PLXNA4: variants seen among roughly 807,000 people sequenced by gnomAD.
PLXNA4 encodes plexin A4.
PLXNA4 carries 44 observed loss-of-function variants against 191.8 expected under a neutral mutation model. The observed-to-expected ratio is 0.23, with a 90% CI of 0.18 to 0.29. The LOEUF (loss-of-function observed/expected upper bound fraction) is 0.29, where lower values mean the gene tolerates loss of function less well. PLXNA4 is among the 10% of genes least tolerant of loss of function. PLXNA4 has a pLI of 1.00. For synonymous variants in PLXNA4, 1,082 were observed against 1,009.5 expected, an observed-to-expected ratio of 1.07 and a Z score of -1.36; for missense variants, 1,800 against 2,488.8, an observed-to-expected ratio of 0.72 and a Z score of 5.89.
chr7:132,385,714 G>A (rs1216167541), intron 3 of PLXNA4, among the ~76,000 whole-genome samples: 2 of 152,170 alleles, frequency 1.3e-5, no homozygotes, highest in Admixed American at 6.5e-5. Context: ...AAGTGCATGC[G>A]CGCACACACA....
intron 3 of PLXNA4, chr7:132,384,866 A>G (rs1461601604): frequency 2.5e-6 from 3 of 1,181,268 alleles, no homozygotes; most frequent in East Asian, 1.2e-4. Flanking sequence ...CCCAAGAGAT[A>G]ACTATATTCC....
intron 4 of PLXNA4, among the ~76,000 whole-genome samples, chr7:132,268,295 T>C (rs1367163655): frequency 6.6e-6 from 1 of 152,216 alleles, no homozygotes; most frequent in African/African-American, 2.4e-5. Flanking sequence ...TATTTTATGC[T>C]TGCCCCTAGC....
chr7:132,267,099 C>A (rs748837110), intron 4 of PLXNA4, among the ~76,000 whole-genome samples: 2 of 152,170 alleles, frequency 1.3e-5, no homozygotes, highest in Admixed American at 1.3e-4. Flanking sequence ...TACATAACCA[C>A]CCAAGTAAGG....
intron 24 of PLXNA4, among the ~76,000 whole-genome samples, chr7:132,162,061 G>A (rs577381656): frequency 6.6e-6 from 1 of 152,290 alleles, no homozygotes; most frequent in South Asian, 2.1e-4. Flanking sequence ...GCCTCTCCGT[G>A]GTTCTCTCTC....
chr7:132,562,960 TCCTCCTCCTCTC>T (rs1184785987), intron 1 of PLXNA4, among the ~76,000 whole-genome samples: 1 of 89,752 alleles, frequency 1.1e-5, no homozygotes, highest in Non-Finnish European at 2.1e-5. Context: ...CTCCTCTCCC[TCCTCCTCCTCTC>T]CCTCCTCCTC....
chr7:132,230,535 C>T (rs1473470408), intron 5 of PLXNA4, among the ~76,000 whole-genome samples: 23 of 152,174 alleles, frequency 1.5e-4, no homozygotes, highest in Admixed American at 1.4e-3. Flanking sequence ...TGTGGTCACC[C>T]CCGTGGCACT....
Position 132,487,997 on chromosome 7 carries a change from T to C in PLXNA4, c.1371+1295A>G, listed in dbSNP as rs73444853. The stretch of plus-strand genomic sequence containing the variant: ...TTTTGCTGTTTTTTAGTTGTGACAC[T>C]GAAGGCGGTCCACTCAAATTAGGCA... On this transcript the variant is annotated intron_variant, in intron 3 of 31. Transcript: ENST00000321063. 9.6e-3 allele frequency among the ~76,000 whole-genome samples: 1,469 copies of C among 152,372 alleles called. 35 individuals are homozygous for C. The highest frequency in any genetic ancestry group is 0.033 in the African/African-American group (1,375 of 41,592).
At chr7:132,453,391 C>T (rs879740991) in intron 3 of PLXNA4, among the ~76,000 whole-genome samples, 9 of 152,116 alleles carry the variant, frequency 5.9e-5, no homozygotes, top group Non-Finnish European at 1.0e-4. Context: ...AGAAATACCC[C>T]TTTTTGGATC....
chr7:132,361,728 A>G (rs561187793), intron 3 of PLXNA4, among the ~76,000 whole-genome samples: 1 of 152,206 alleles, frequency 6.6e-6, no homozygotes, highest in Non-Finnish European at 1.5e-5. Context: ...AGGGGACTAA[A>G]TCAAAGCCAC....
At chr7:132,194,751 AT>A (rs1797200916) in intron 13 of PLXNA4, among the ~76,000 whole-genome samples, 1 of 152,094 alleles carries the variant, frequency 6.6e-6, no homozygotes, top group Non-Finnish European at 1.5e-5. Context: ...CTTTCTAAAA[AT>A]TTTTATTGCT....
At chr7:132,336,191 T>G (rs1235158598) in intron 3 of PLXNA4, among the ~76,000 whole-genome samples, 1 of 152,206 alleles carries the variant, frequency 6.6e-6, no homozygotes, top group Non-Finnish European at 1.5e-5. Context: ...CCAACTCTGT[T>G]TCTGGAGTTA....
chr7:132,198,461 T>C, intron 13 of PLXNA4, 24 bp downstream of exon 13: 5 of 1,611,102 alleles, frequency 3.1e-6, no homozygotes, highest in Non-Finnish European at 4.2e-6. Flanking sequence ...CTGTTCCTCC[T>C]GTGTTGCATG....
chr7:132,210,341 G>A (rs1284670700), intron 10 of PLXNA4, among the ~76,000 whole-genome samples: 1 of 152,212 alleles, frequency 6.6e-6, no homozygotes. Context: ...TCGGCAGCCT[G>A]GGGGCTGCTG....
At chr7:132,145,576 T>C (rs1795395983) in intron 28 of PLXNA4, 1 of 401,302 alleles carries the variant, frequency 2.5e-6, no homozygotes, top group Non-Finnish European at 4.6e-6. Flanking sequence ...GGCGGTGTTA[T>C]TTTAGCACTT....
At chr7:132,563,598 T>TCTC in intron 1 of PLXNA4, among the ~76,000 whole-genome samples, 1 of 65,868 alleles carries the variant, frequency 1.5e-5, no homozygotes, top group Non-Finnish European at 3.0e-5. Context: ...CCTCATCCTT[T>TCTC]CTCCTCCTCC....
intron 25 of PLXNA4, among the ~76,000 whole-genome samples, chr7:132,154,711 T>G (rs1795743441): frequency 6.6e-6 from 1 of 152,142 alleles, no homozygotes; most frequent in Admixed American, 6.5e-5. Flanking sequence ...AAAGAAGAGT[T>G]TAGAGGGCAG....
At chr7:132,273,815 G>A (rs1444537147) in intron 4 of PLXNA4, among the ~76,000 whole-genome samples, 2 of 152,106 alleles carry the variant, frequency 1.3e-5, no homozygotes, top group African/African-American at 2.4e-5. Flanking sequence ...GTACTGAAGG[G>A]GCGTTAAGCA....
chr7:132,571,599 T>A (rs1168762267), intron 1 of PLXNA4, among the ~76,000 whole-genome samples: 3 of 152,094 alleles, frequency 2.0e-5, no homozygotes, highest in Non-Finnish European at 4.4e-5. Flanking sequence ...AAACCATCCA[T>A]CCCTTAGCAA....
chr7:132,475,847 T>C (rs1462068895), intron 3 of PLXNA4, among the ~76,000 whole-genome samples: 1 of 152,108 alleles, frequency 6.6e-6, no homozygotes, highest in Non-Finnish European at 1.5e-5. Flanking sequence ...ATCTGGGCAA[T>C]GGTCAGGGCA....
Sources: gnomAD v4.1 joint callset for allele counts (sites outside exome capture counted in the v4.1 genomes callset) on GRCh38, gnomAD v4.1.1 for gene constraint, MANE v1.5 for transcripts, NCBI Gene and HGNC (gene_info 2026-07-23, HGNC 2026-07-21) for gene names.